The following CDK14 variants were observed in gnomAD, a reference collection of about 807,000 sequenced individuals.
CDK14 encodes the protein cyclin dependent kinase 14, also known as cyclin-dependent kinase 14.
In CDK14, 34 loss-of-function variants were observed where a neutral mutation model predicts 60.7. The ratio of observed to expected loss-of-function variants is 0.56; its 90% CI spans 0.43 to 0.75. The LOEUF (loss-of-function observed/expected upper bound fraction) is 0.75, where lower values mean the gene tolerates loss of function less well. Among genes scored for constraint, CDK14 ranks in the 30% least tolerant of loss-of-function variants. The pLI, the probability that CDK14 is intolerant of heterozygous loss-of-function variation, is 0.00. For missense variants in CDK14, 482 were observed against 564.1 expected (o/e 0.85, Z 1.47); for synonymous variants, 197 against 203.7 (o/e 0.97, Z 0.28).
At chr7:91,055,889 G>A (rs903092871) in intron 11 of CDK14, among the ~76,000 whole-genome samples, 1 of 152,130 alleles carries the variant, frequency 6.6e-6, no homozygotes, top group Non-Finnish European at 1.5e-5. Context: ...TATACCAGTG[G>A]CATTTCCATA....
chr7:91,149,929 G>A (rs1344247175), intron 14 of CDK14, among the ~76,000 whole-genome samples: 1 of 152,202 alleles, frequency 6.6e-6, no homozygotes, highest in African/African-American at 2.4e-5. Context: ...TTCACGCTCA[G>A]TTGTTGGCTA....
At chr7:91,033,074 G>A (rs779528728) in intron 10 of CDK14, among the ~76,000 whole-genome samples, 13 of 152,142 alleles carry the variant, frequency 8.5e-5, no homozygotes, top group Non-Finnish European at 1.2e-4. Flanking sequence ...TTTGACATAC[G>A]CGTGAGGATT....
chr7:90,649,819 C>T, intron 2 of CDK14, among the ~76,000 whole-genome samples: 1 of 152,072 alleles, frequency 6.6e-6, no homozygotes, highest in East Asian at 1.9e-4. Flanking sequence ...CATAGTATTC[C>T]ATGGTGTATA....
intron 6 of CDK14, among the ~76,000 whole-genome samples, chr7:90,863,671 T>TGTGTGA (rs1491415607): frequency 3.2e-3 from 5 of 1,568 alleles, no homozygotes; most frequent in African/African-American, 4.9e-3. Flanking sequence ...TATTAAGATA[T>TGTGTGA]GTGTGTGTGT....
At chr7:90,909,313 T>C (rs1425656837) in intron 7 of CDK14, among the ~76,000 whole-genome samples, 2 of 152,138 alleles carry the variant, frequency 1.3e-5, no homozygotes, top group African/African-American at 2.4e-5. Flanking sequence ...TCTTGGAAAA[T>C]TATGTTAGAT....
chr7:91,002,250 T>C (rs1006521382), intron 10 of CDK14, among the ~76,000 whole-genome samples: 24 of 152,214 alleles, frequency 1.6e-4, no homozygotes, highest in Non-Finnish European at 2.6e-4. Context: ...CCAAGGAACA[T>C]ACTATGAGAA....
chr7:90,628,645 A>C (rs1221695789), intron 2 of CDK14, among the ~76,000 whole-genome samples: 3 of 152,230 alleles, frequency 2.0e-5, no homozygotes, highest in East Asian at 3.9e-4. Flanking sequence ...ACATAGTGAG[A>C]TACCTTGTCT....
Position 90,736,516 on chromosome 7 carries a change from A to G in CDK14, c.369+9704A>G, listed in dbSNP as rs139025181. On this transcript the variant is annotated intron_variant, in intron 3 of 14. Coordinates refer to ENST00000380050, the MANE Select transcript of CDK14 (RefSeq NM_001287135.2). ...TTCCCATGGGAAGCATGGGAAAACA[A>G]GGGAGCCTTATAGACACGGGTGTTA... Among the ~76,000 whole-genome samples, 736 of 152,020 alleles carry G rather than the reference A, an allele frequency of 4.8e-3. 3 individuals carry two copies. Among genetic ancestry groups the G allele is most frequent in the African/African-American group, 0.016 (664 of 41,480 alleles).
chr7:91,205,141 AG>A (rs1367646685), intron 14 of CDK14, among the ~76,000 whole-genome samples: 1 of 152,172 alleles, frequency 6.6e-6, no homozygotes, highest in Non-Finnish European at 1.5e-5. Context: ...TTCCTCAAAA[AG>A]TTAAACATAT....
chr7:91,006,356 G>T (rs1308536631), intron 10 of CDK14, among the ~76,000 whole-genome samples: 1 of 152,114 alleles, frequency 6.6e-6, no homozygotes, highest in East Asian at 1.9e-4. Context: ...ACCAATTCTG[G>T]CAAGTTAAGT....
At chr7:91,038,754 G>A (rs987871897) in intron 10 of CDK14, among the ~76,000 whole-genome samples, 2 of 152,178 alleles carry the variant, frequency 1.3e-5, no homozygotes. Context: ...ATGGGGGTGG[G>A]TAATATTTCT....
intron 3 of CDK14, among the ~76,000 whole-genome samples, chr7:90,731,879 G>A (rs981781866): frequency 1.3e-5 from 2 of 152,130 alleles, no homozygotes; most frequent in African/African-American, 4.8e-5. Flanking sequence ...ATACTATGTT[G>A]AATAGGAGGG....
rs558320567 is a variant in CDK14 at position 90,717,447 on chromosome 7, G to A, written c.124-9120G>A. ...ACAAAACTACAGTCACTGAAGCAGC[G>A]TAAAGGTCACTGAAGCAGCATAAAG... On this transcript the variant is annotated intron_variant, in intron 2 of 14. Transcript: ENST00000380050. 2.6e-5 allele frequency among the ~76,000 whole-genome samples: 4 copies of A among 152,162 alleles called. 1 individual carries two copies. The Middle Eastern group carries it at 0.01, about 388-fold the overall frequency.
chr7:90,764,304 G>A (rs1367837316), intron 4 of CDK14, among the ~76,000 whole-genome samples: 1 of 152,148 alleles, frequency 6.6e-6, no homozygotes, highest in African/African-American at 2.4e-5. Flanking sequence ...CTTACTACTC[G>A]TAACATAAAT....
At chr7:91,050,411 A>G (rs577026441) in intron 11 of CDK14, among the ~76,000 whole-genome samples, 10 of 150,606 alleles carry the variant, frequency 6.6e-5, no homozygotes, top group South Asian at 2.1e-4. Flanking sequence ...TTTCCCTTGG[A>G]AAAAAAAAAT....
rs191156314 is a variant in CDK14, at chr7:91,134,830, A to G, written c.*28+16622A>G. Among the ~76,000 whole-genome samples, 13 of 151,496 alleles carry G rather than the reference A, an allele frequency of 8.6e-5. No individual in the cohort carries two copies. The East Asian group carries it at 2.5e-3, about 30-fold the overall frequency. Reference sequence around the variant, plus strand: ...GCAGAGGTTACAGTGAGCCGAGATCACACCACTGCACTATATAGTCTGGGC... The same window carrying G: ...GCAGAGGTTACAGTGAGCCGAGATCGCACCACTGCACTATATAGTCTGGGC... On this transcript the variant is annotated intron_variant, in intron 14 of 14. Coordinates refer to ENST00000380050, the MANE Select transcript of CDK14 (RefSeq NM_001287135.2).
In CDK14 at chr7:90,887,524, G is replaced by A. The variant is rs199701581; in HGVS notation, c.640-11767G>A. On this transcript the variant is annotated intron_variant, in intron 6 of 14. Coordinates refer to ENST00000380050, the MANE Select transcript of CDK14 (RefSeq NM_001287135.2). ...TGTATAATATACATCTAGCCAGGAA[G>A]ATTTAGATATACTCTATTCGTAACA... is the stretch of plus-strand genomic sequence containing the variant. 2.0e-5 allele frequency among the ~76,000 whole-genome samples: 3 copies of A among 152,094 alleles called. No individual in the cohort carries two copies. In the East Asian group the frequency reaches 5.8e-4, roughly 29 times the overall value.
intron 12 of CDK14, among the ~76,000 whole-genome samples, chr7:91,098,704 G>A (rs968051880): frequency 1.3e-5 from 2 of 152,142 alleles, no homozygotes; most frequent in Non-Finnish European, 2.9e-5. Flanking sequence ...TCTGTGGAAT[G>A]TTAACTGCTC....
intron 8 of CDK14, among the ~76,000 whole-genome samples, chr7:90,951,351 C>G (rs1562842083): frequency 6.6e-6 from 1 of 152,034 alleles, no homozygotes; most frequent in Non-Finnish European, 1.5e-5. Context: ...CACTGACCAA[C>G]ACAAAGCTTT....
Sources: gnomAD v4.1 joint callset for allele counts (sites outside exome capture counted in the v4.1 genomes callset) on GRCh38, gnomAD v4.1.1 for gene constraint, MANE v1.5 for transcripts, NCBI Gene and HGNC (gene_info 2026-07-23, HGNC 2026-07-21) for gene names.